The following ACTR2 variants were observed in gnomAD, a reference collection of about 807,000 sequenced individuals.
ACTR2 encodes the protein actin related protein 2, also known as actin-related protein 2.
Under a neutral mutation model 50.2 loss-of-function variants are expected in ACTR2, and 5 were observed. The ratio of observed to expected loss-of-function variants is 0.10; its 90% CI spans 0.05 to 0.21. The LOEUF is 0.21. ACTR2 is among the 10% of genes least tolerant of loss of function. The probability of loss-of-function intolerance (pLI) is 1.00; values close to 1 mark genes in which losing one functional copy is unlikely to be tolerated. For synonymous variants in ACTR2, 140 were observed against 162.9 expected (o/e 0.86, Z 1.07); for missense variants, 180 against 480.6 (o/e 0.37, Z 5.85).
intron 1 of ACTR2, 61 bp downstream of exon 1, chr2:65,228,018 G>A: frequency 1.4e-6 from 2 of 1,448,694 alleles, no homozygotes; most frequent in South Asian, 1.4e-5. Context: ...AGCAGCTGGC[G>A]CACGGGCCCT....
At chr2:65,239,085 C>A (rs1291986495) in intron 1 of ACTR2, among the ~76,000 whole-genome samples, 1 of 152,204 alleles carries the variant, frequency 6.6e-6, no homozygotes, top group East Asian at 1.9e-4. Context: ...AAGCGATTTG[C>A]CCAAAATGAA....
chr2:65,260,212 A>T (rs1672241188), intron 6 of ACTR2, among the ~76,000 whole-genome samples: 2 of 152,244 alleles, frequency 1.3e-5, no homozygotes, highest in Non-Finnish European at 2.9e-5. Flanking sequence ...AAAATTATTT[A>T]AAATGTTTAA....
At chr2:65,241,739 C>T (rs1573153012) in intron 2 of ACTR2, among the ~76,000 whole-genome samples, 1 of 151,990 alleles carries the variant, frequency 6.6e-6, no homozygotes, top group African/African-American at 2.4e-5. Context: ...ATTAAAGAAG[C>T]TTACTTTTTG....
At position 65,239,951 on chromosome 2, in the gene ACTR2, A is replaced by G; in HGVS notation, c.148A>G (p.Ile50Val). The G allele has an allele frequency of 6.3e-7, 1 of 1,590,826 alleles. No individual in the cohort carries two copies. Among genetic ancestry groups the G allele is most frequent in the Non-Finnish European group, 8.6e-7 (1 of 1,159,112 alleles). ...CAGATCAACCACCAAAGTGGGAAAC[A>G]TTGAAATCAAGGTAATATTTTATTT... ...IIRSTTKVGN[I>V]EIKDLMVGDE... The change falls in exon 2 of 9, where the codon ATT (isoleucine) becomes GTT (valine). Residue 50 changes from isoleucine to valine, a missense_variant. Transcript: ENST00000260641.
At position 65,270,199 on chromosome 2, in the gene ACTR2, CTT is replaced by C. The variant is rs3832136; in HGVS notation, c.*1472_*1473del. The C allele has an allele frequency of 0.31, 47,276 of 152,238 alleles. 7,986 individuals are homozygous for C. Among genetic ancestry groups the C allele is most frequent in the East Asian group, 0.72 (3,719 of 5,168 alleles). 9.4% of individuals were successfully genotyped at this position (152,238 alleles called of 1,614,324 possible). On this transcript the variant is annotated 3_prime_UTR_variant, in exon 9 of 9. Transcript: ENST00000260641. The stretch of plus-strand genomic sequence containing the variant: ...AAAAATATTTTTCTTCATTTTAAAA[CTT>C]TTTTTTAACTAATAATAGCTTTGAA...
chr2:65,241,971 G>T (rs1671847201), intron 2 of ACTR2: 2 of 1,573,648 alleles, frequency 1.3e-6, no homozygotes, highest in African/African-American at 1.3e-5. Context: ...AAACATTTCA[G>T]TGAGGATTTT....
chr2:65,242,098 C>T, intron 2 of ACTR2: 2 of 1,518,310 alleles, frequency 1.3e-6, no homozygotes, highest in Non-Finnish European at 1.8e-6. Context: ...TGTTTGTTTT[C>T]CACTTTTGCT....
intron 7 of ACTR2, among the ~76,000 whole-genome samples, chr2:65,262,544 A>G (rs1573169067): frequency 1.4e-5 from 1 of 70,470 alleles, no homozygotes; most frequent in Non-Finnish European, 2.9e-5. Context: ...AAATGCATGT[A>G]TATTTTTGTT....
intron 1 of ACTR2, among the ~76,000 whole-genome samples, chr2:65,235,541 G>T (rs1460014933): frequency 2.0e-5 from 3 of 152,166 alleles, no homozygotes; most frequent in Admixed American, 6.5e-5. Flanking sequence ...TGGATCACGA[G>T]GTCAGGAGAT....
intron 1 of ACTR2, chr2:65,228,173 T>G: frequency 2.4e-6 from 1 of 415,576 alleles, no homozygotes; most frequent in Non-Finnish European, 4.2e-6. Flanking sequence ...CCCTCACCCT[T>G]CCGGGTGGGG....
At position 65,269,364 on chromosome 2, in the gene ACTR2, A is replaced by T. The variant is rs1392047519; in HGVS notation, c.*630A>T. 8 of 152,132 alleles carry T rather than the reference A, an allele frequency of 5.3e-5. No individual in the cohort carries two copies. Among genetic ancestry groups the T allele is most frequent in the Admixed American group, 1.3e-4 (2 of 15,258 alleles). 9.4% of individuals were successfully genotyped at this position (152,132 alleles called of 1,614,324 possible). ...TGATTTTTATTTTTGAGGTTTTGTC[A>T]ACTGGAGTACGTAGAGGAACTTTAT... On this transcript the variant is annotated 3_prime_UTR_variant, in exon 9 of 9. Coordinates refer to ENST00000260641, the MANE Select transcript of ACTR2 (RefSeq NM_005722.4).
intron 8 of ACTR2, among the ~76,000 whole-genome samples, chr2:65,267,178 G>GT (rs1017177770): frequency 6.6e-5 from 10 of 151,942 alleles, no homozygotes; most frequent in Non-Finnish European, 8.8e-5. Context: ...TGGTTTGTTT[G>GT]TTTTTTTTAA....
intron 1 of ACTR2, among the ~76,000 whole-genome samples, chr2:65,238,426 G>A (rs1357598952): frequency 2.6e-5 from 4 of 151,920 alleles, no homozygotes; most frequent in African/African-American, 9.7e-5. Context: ...TTGGGAGGCT[G>A]AGGCGGGCAG....
intron 1 of ACTR2, among the ~76,000 whole-genome samples, chr2:65,229,750 C>CAAAAAA (rs57953942): frequency 1.5e-4 from 8 of 54,006 alleles, no homozygotes; most frequent in Non-Finnish European, 2.0e-4. Context: ...GACTCCGTCT[C>CAAAAAA]AAAAAAAAAA....
In ACTR2 at chr2:65,269,295, G is replaced by A. The variant is rs576287967; in HGVS notation, c.*561G>A. 2.0e-5 allele frequency: 3 copies of A among 151,822 alleles called. No homozygotes were observed. The South Asian group carries it at 6.2e-4, about 32-fold the overall frequency. 9.4% of individuals were successfully genotyped at this position (151,822 alleles called of 1,614,324 possible). ...TTAGGTTCAGAACTAAAGTGTTTTG[G>A]GTGGGTTTTGTTGCGGGGGGGAGGG... On this transcript the variant is annotated 3_prime_UTR_variant, in exon 9 of 9. Coordinates refer to ENST00000260641, the MANE Select transcript of ACTR2 (RefSeq NM_005722.4).
chr2:65,259,254 G>A (rs1332028801), intron 6 of ACTR2, among the ~76,000 whole-genome samples: 1 of 151,854 alleles, frequency 6.6e-6, no homozygotes, highest in African/African-American at 2.4e-5. Context: ...CAAGACCCCC[G>A]TCTCTACAAA....
rs1415495583 is a variant in ACTR2 at position 65,269,558 on chromosome 2, A to G, written c.*824A>G. ...GGATTAGACTCCCTACAGTCCTTCA[A>G]TGGAAAAGTAACATTTAAAAATCCT... On this transcript the variant is annotated 3_prime_UTR_variant, in exon 9 of 9. Coordinates refer to ENST00000260641, the MANE Select transcript of ACTR2 (RefSeq NM_005722.4). 6.6e-6 allele frequency: 1 copy of G among 152,226 alleles called. No individual in the cohort carries two copies. The highest frequency in any genetic ancestry group is 1.5e-5 in the Non-Finnish European group (1 of 68,038). The allele number at this position is 152,226 out of a possible 1,614,324, so 9.4% of individuals were successfully genotyped here.
chr2:65,241,661 C>CTAGCTAG (rs1671842728), intron 2 of ACTR2, among the ~76,000 whole-genome samples: 3 of 152,246 alleles, frequency 2.0e-5, no homozygotes, highest in South Asian at 4.1e-4. Context: ...TAACACTCTG[C>CTAGCTAG]CTACTCAGCT....
At chr2:65,232,997 G>GTTTT (rs35572490) in intron 1 of ACTR2, among the ~76,000 whole-genome samples, 2 of 140,928 alleles carry the variant, frequency 1.4e-5, no homozygotes, top group Admixed American at 7.2e-5. Flanking sequence ...TCATGGTTTA[G>GTTTT]TTTTTTTTTT....
Sources: allele counts gnomAD v4.1 joint callset (sites outside exome capture counted in the v4.1 genomes callset), GRCh38; gene constraint gnomAD v4.1.1; transcripts MANE v1.5; gene names NCBI Gene and HGNC (gene_info 2026-07-23, HGNC 2026-07-21).